The following THEMIS variants were observed in gnomAD, a reference collection of about 807,000 sequenced individuals.
THEMIS encodes protein THEMIS.
In THEMIS, 37 loss-of-function variants were observed where a neutral mutation model predicts 52.6. The observed-to-expected ratio is 0.70, with a 90% CI of 0.54 to 0.93. The LOEUF is 0.93. THEMIS is among the 40% of genes least tolerant of loss of function. The probability of loss-of-function intolerance (pLI) is 0.00; values close to 1 mark genes in which losing one functional copy is unlikely to be tolerated. For missense variants in THEMIS, 808 were observed against 763.1 expected, an observed-to-expected ratio of 1.06 and a Z score of -0.69; for synonymous variants, 292 against 272.7, an observed-to-expected ratio of 1.07 and a Z score of -0.70.
intron 4 of THEMIS, among the ~76,000 whole-genome samples, chr6:127,765,994 C>T (rs1026892610): frequency 1.3e-5 from 2 of 152,032 alleles, no homozygotes. Context: ...GATTCTCAAC[C>T]TAGAGCAATA....
chr6:127,699,517 C>T, the THEMIS span, among the ~76,000 whole-genome samples: 147 of 149,314 alleles, frequency 9.8e-4, no homozygotes, highest in African/African-American at 3.3e-3. Context: ...CTAAACATTC[C>T]CCACTCTCTT....
chr6:127,840,925 T>C (rs753915881), intron 2 of THEMIS, among the ~76,000 whole-genome samples: 11 of 152,048 alleles, frequency 7.2e-5, no homozygotes, highest in Non-Finnish European at 1.3e-4. Context: ...AAAGGATCAG[T>C]GGTTACCACG....
At chr6:127,913,173 C>G (rs775375825) in intron 1 of THEMIS, among the ~76,000 whole-genome samples, 2 of 152,042 alleles carry the variant, frequency 1.3e-5, no homozygotes, top group Non-Finnish European at 2.9e-5. Context: ...AGCAGAGCAT[C>G]AAGTAATCCC....
intron 2 of THEMIS, among the ~76,000 whole-genome samples, chr6:127,844,045 A>T (rs1268957139): frequency 6.6e-6 from 1 of 151,996 alleles, no homozygotes; most frequent in African/African-American, 2.4e-5. Context: ...TGTTGTTTTA[A>T]GTTGCCAAAT....
chr6:127,789,108 A>T (rs1487099486), intron 4 of THEMIS, among the ~76,000 whole-genome samples: 1 of 152,142 alleles, frequency 6.6e-6, no homozygotes, highest in African/African-American at 2.4e-5. Context: ...TTTTGAAAAG[A>T]TTAACAAAAT....
intron 4 of THEMIS, among the ~76,000 whole-genome samples, chr6:127,731,517 G>A (rs1009027012): frequency 6.6e-6 from 1 of 150,434 alleles, no homozygotes; most frequent in Non-Finnish European, 1.5e-5. Flanking sequence ...ATTCTAAGCT[G>A]TGACATGTAT....
chr6:127,705,041 G>A (rs1773782069), downstream of THEMIS, among the ~76,000 whole-genome samples: 1 of 152,106 alleles, frequency 6.6e-6, no homozygotes, highest in Non-Finnish European at 1.5e-5. Context: ...GTGTGTAAAG[G>A]GAAAAATGGC....
intron 1 of THEMIS, among the ~76,000 whole-genome samples, chr6:127,884,164 T>A (rs2114441942): frequency 6.6e-6 from 1 of 152,230 alleles, no homozygotes; most frequent in South Asian, 2.1e-4. Flanking sequence ...TGGAGACTAG[T>A]TGTTTGGTTT....
intron 4 of THEMIS, among the ~76,000 whole-genome samples, chr6:127,806,538 TGC>T (rs1777714327): frequency 6.6e-6 from 1 of 152,204 alleles, no homozygotes; most frequent in African/African-American, 2.4e-5. Context: ...ACTTCAATCA[TGC>T]CATAATGAAA....
At chr6:127,784,708 G>A (rs1776864063) in intron 4 of THEMIS, among the ~76,000 whole-genome samples, 1 of 152,122 alleles carries the variant, frequency 6.6e-6, no homozygotes, top group Non-Finnish European at 1.5e-5. Context: ...AACTGTGAAT[G>A]TACTACCCAG....
chr6:127,787,295 C>G (rs1776984554), intron 4 of THEMIS, among the ~76,000 whole-genome samples: 1 of 152,006 alleles, frequency 6.6e-6, no homozygotes, highest in African/African-American at 2.4e-5. Flanking sequence ...CACACACACA[C>G]AAACACATGC....
At chr6:127,755,362 C>T (rs1166680655) in intron 4 of THEMIS, among the ~76,000 whole-genome samples, 1 of 152,162 alleles carries the variant, frequency 6.6e-6, no homozygotes, top group African/African-American at 2.4e-5. Flanking sequence ...GAGAAAACAA[C>T]AGAAGAATCA....
At chr6:127,795,478 G>C (rs1471239639) in intron 4 of THEMIS, among the ~76,000 whole-genome samples, 3 of 152,200 alleles carry the variant, frequency 2.0e-5, no homozygotes, top group Admixed American at 2.0e-4. Flanking sequence ...ACAGGTGCCT[G>C]CCACCACACC....
intron 4 of THEMIS, among the ~76,000 whole-genome samples, chr6:127,742,314 A>C (rs1490209935): frequency 2.2e-5 from 1 of 45,470 alleles, no homozygotes; most frequent in African/African-American, 8.5e-5. Context: ...GACTCTGCTT[A>C]AAAAAAAAAA....
At chr6:127,772,533 T>C (rs1047164177) in intron 4 of THEMIS, among the ~76,000 whole-genome samples, 1 of 152,044 alleles carries the variant, frequency 6.6e-6, no homozygotes, top group African/African-American at 2.4e-5. Context: ...TAAAAAAGCA[T>C]TTCCTTTCAA....
chr6:127,889,274 G>T (rs1002472725), intron 1 of THEMIS, among the ~76,000 whole-genome samples: 2 of 152,050 alleles, frequency 1.3e-5, no homozygotes, highest in African/African-American at 2.4e-5. Context: ...ACCACAAAAG[G>T]GTTGGGAAGT....
At chr6:127,833,914 T>C (rs1004627154) in intron 2 of THEMIS, among the ~76,000 whole-genome samples, 1 of 152,124 alleles carries the variant, frequency 6.6e-6, no homozygotes, top group African/African-American at 2.4e-5. Context: ...ATAACAAGGA[T>C]GTTTAAGTTG....
intron 1 of THEMIS, among the ~76,000 whole-genome samples, chr6:127,860,771 A>G (rs1779774255): frequency 6.6e-6 from 1 of 152,180 alleles, no homozygotes; most frequent in African/African-American, 2.4e-5. Context: ...GATGTGTAAG[A>G]AATTCAGGTG....
intron 4 of THEMIS, among the ~76,000 whole-genome samples, chr6:127,742,626 T>A (rs150612636): frequency 6.6e-6 from 1 of 152,228 alleles, no homozygotes; most frequent in Non-Finnish European, 1.5e-5. Flanking sequence ...ACAACATGAA[T>A]GAACCCTAAA....
Sources: gnomAD v4.1 joint callset for allele counts (sites outside exome capture counted in the v4.1 genomes callset) on GRCh38, gnomAD v4.1.1 for gene constraint, MANE v1.5 for transcripts, NCBI Gene and HGNC (gene_info 2026-07-23, HGNC 2026-07-21) for gene names.